Variants in LRRN4 observed in about 807,000 individuals in gnomAD.
LRRN4 encodes the protein leucine rich repeat neuronal 4.
In LRRN4, 26 loss-of-function variants were observed where a neutral mutation model predicts 22.3. The ratio of observed to expected loss-of-function variants is 1.16; its 90% CI spans 0.85 to 1.62. The LOEUF is 1.62. Ranked by LOEUF, LRRN4 falls within the 40% of genes most tolerant of loss-of-function variation. The pLI, the probability that LRRN4 is intolerant of heterozygous loss-of-function variation, is 0.00. For missense variants in LRRN4, 1,070 were observed against 1,008.5 expected, an observed-to-expected ratio of 1.06 and a Z score of -0.83; for synonymous variants, 496 against 486.2, an observed-to-expected ratio of 1.02 and a Z score of -0.26.
rs1202756366 is a variant in LRRN4, at chr20:6,050,905, TC to T, written c.733del (p.Glu245ArgfsTer7). 2 of 1,614,132 alleles carry T rather than the reference TC, an allele frequency of 1.2e-6. No individual in the cohort carries two copies. The highest frequency in any genetic ancestry group is 4.5e-5 in the East Asian group (2 of 44,882). On this transcript the variant is annotated frameshift_variant, in exon 3 of 5. Coordinates refer to ENST00000378858, the MANE Select transcript of LRRN4 (RefSeq NM_152611.5). LOFTEE classifies it high-confidence loss of function. The part of the protein sequence containing the change: ...LRKMPRLTTL[E>X]GDIFKMTPNL... ...GGGGGTCATCTTGAAAATGTCCCCC[TC>T]CAGGGTCGTCAGCCGAGGCATCTTC...
rs760454962 is a variant in LRRN4 at position 6,041,528 on chromosome 20, G to T, written c.1717C>A (p.Leu573Ile). 1.2e-5 allele frequency: 18 copies of T among 1,553,686 alleles called. 1 individual carries two copies. In the South Asian group the frequency reaches 1.5e-4, roughly 13 times the overall value. The change falls in exon 5 of 5, where the codon CTC becomes ATC. Residue 573 changes from leucine (L) to isoleucine (I), a missense_variant. Coordinates refer to ENST00000378858, the MANE Select transcript of LRRN4 (RefSeq NM_152611.5). The surrounding 1 kb of genome is among the most constrained non-coding windows in gnomAD (Gnocchi z 9.4). ...TCTGGGATGGTGTCTTCCCCGCTGA[G>T]GCCGGGGCACCGGCACCGCCACCGC... ...QRRWRCRCPG[L>I]SGEDTIPDPP... is the part of the protein sequence containing the mutation.
rs752107913 is a variant in LRRN4 at position 6,052,273 on chromosome 20, T to C, written c.527A>G (p.Asn176Ser). 1 of 1,546,528 alleles carries C rather than the reference T, an allele frequency of 6.5e-7. No homozygotes were observed. ...GCGACCCAGCGCGGTGCAGGAGAGG[T>C]TGAGGAGCTGCAGCGCGGGGAAGCA... is the stretch of plus-strand genomic sequence containing the variant. ...FACFPALQLLNLSCTALGRGA... is the reference protein window; with the variant it reads ...FACFPALQLLSLSCTALGRGA... The change falls in exon 2 of 5, where the codon AAC becomes AGC. Residue 176 changes from asparagine (N) to serine (S), a missense_variant. Asn to Ser is a conservative substitution (Grantham distance 46). Coordinates refer to ENST00000378858, the MANE Select transcript of LRRN4 (RefSeq NM_152611.5).
At chr20:6,052,915 G>A (rs897786141) in intron 1 of LRRN4, 111 bp from the exon 2 acceptor site, 15 of 1,139,264 alleles carry the variant, frequency 1.3e-5, no homozygotes, top group Non-Finnish European at 1.8e-5. Flanking sequence ...CACAGGCGCT[G>A]GATGTTCCCT....
Position 6,052,380 on chromosome 20 carries a change from G to C in LRRN4, c.420C>G (p.Cys140Trp). ...GGAGGCTGCTCAGCGCGGGCCCGGTGCACGGCGGCAGAGCGGCCAGCTGGT... is the reference window on the plus strand; with the variant it reads ...GGAGGCTGCTCAGCGCGGGCCCGGTCCACGGCGGCAGAGCGGCCAGCTGGT... ...SYNQLAALPP[C>W]TGPALSSLRA... The change falls in exon 2 of 5, where the codon TGC becomes TGG. Residue 140 changes from cysteine (C) to tryptophan (W), a missense_variant. Physicochemically the swap from Cys to Trp is radical, Grantham distance 215. Coordinates refer to ENST00000378858, the MANE Select transcript of LRRN4 (RefSeq NM_152611.5). 2 of 1,523,600 alleles carry C rather than the reference G, an allele frequency of 1.3e-6. No homozygotes were observed. The highest frequency in any genetic ancestry group is 1.4e-5 in the African/African-American group (1 of 70,046). 94.4% of individuals were successfully genotyped at this position (1,523,600 alleles called of 1,614,324 possible). A position where few individuals can be genotyped will look rare whatever the true frequency, so the allele number is the denominator to read the frequency against.
chr20:6,052,722 CG>C lies in LRRN4; in HGVS notation c.77del (p.Pro26ArgfsTer34). ...GGCCCTGCTGAGTGACCCGGAAGAGCGGGACCTTCTCCTGGGGAGGGTCTGC... is the reference window on the plus strand; with the variant it reads ...GGCCCTGCTGAGTGACCCGGAAGAGCGGACCTTCTCCTGGGGAGGGTCTGC... ...SWADPPQEKV[P>X]LFRVTQQGPW... On this transcript the variant is annotated frameshift_variant, in exon 2 of 5. Transcript: ENST00000378858. LOFTEE classifies it high-confidence loss of function. 1 of 1,570,688 alleles carries C rather than the reference CG, an allele frequency of 6.4e-7. No individual in the cohort carries two copies. The highest frequency in any genetic ancestry group is 8.6e-7 in the Non-Finnish European group (1 of 1,165,856).
rs1981325980 is a variant in LRRN4 at position 6,053,907 on chromosome 20, G to A, written c.-83C>T. 2 of 152,198 alleles carry A rather than the reference G, an allele frequency of 1.3e-5. No individual in the cohort carries two copies. Among genetic ancestry groups the A allele is most frequent in the Admixed American group, 1.3e-4 (2 of 15,278 alleles). The allele number at this position is 152,198 out of a possible 1,614,324, so 9.4% of individuals were successfully genotyped here. ...TCAGCTTTGTTTTATAGATTCTAGG[G>A]ACCACTGATTTGGACAGCAACTCAG... On this transcript the variant is annotated 5_prime_UTR_variant, in exon 1 of 5. Transcript: ENST00000378858.
intron 4 of LRRN4, among the ~76,000 whole-genome samples, chr20:6,042,639 G>T (rs893649153): frequency 2.0e-5 from 3 of 152,096 alleles, no homozygotes; most frequent in Non-Finnish European, 4.4e-5. Context: ...AATCATACTC[G>T]GGCCGGTGCG....
intron 2 of LRRN4, among the ~76,000 whole-genome samples, 174 bp downstream of exon 2, chr20:6,051,971 G>C (rs543110642): frequency 6.6e-6 from 1 of 152,322 alleles, no homozygotes; most frequent in African/African-American, 2.4e-5. Context: ...CCTGTGTGGC[G>C]CTTCAAACTG....
chr20:6,041,081 CCAGGTGCGTGTCGCAGCGCTG>C lies in LRRN4; in HGVS notation c.2143_2163del (p.Gln715_Leu721del). 17 of 1,613,854 alleles carry C rather than the reference CCAGGTGCGTGTCGCAGCGCTG, an allele frequency of 1.1e-5. No individual in the cohort carries two copies. Among genetic ancestry groups the C allele is most frequent in the Non-Finnish European group, 1.4e-5 (17 of 1,179,976 alleles). On this transcript the variant is annotated inframe_deletion, in exon 5 of 5. Coordinates refer to ENST00000378858, the MANE Select transcript of LRRN4 (RefSeq NM_152611.5). The surrounding 1 kb of genome is among the most constrained non-coding windows in gnomAD (Gnocchi z 9.4). ...TCAAAGGCCGGGTTTTTGTAGGCCA[CCAGGTGCGTGTCGCAGCGCTG>C]CAGGCCCAGCGTCTGGCCCCGCCTG...
At chr20:6,051,009 A>G (rs775902316) in intron 2 of LRRN4, 26 bp from the exon 3 acceptor site, 4 of 1,607,386 alleles carry the variant, frequency 2.5e-6, no homozygotes, top group Admixed American at 1.7e-5. Context: ...GAAACTGCCA[A>G]CTACTCCAGA....
At chr20:6,043,265 C>T (rs1981016024) in intron 4 of LRRN4, among the ~76,000 whole-genome samples, 1 of 151,948 alleles carries the variant, frequency 6.6e-6, no homozygotes, top group Admixed American at 6.6e-5. Context: ...CAAACAAAAA[C>T]TTAGCCAGGT....
chr20:6,052,916 G>C, intron 1 of LRRN4, 112 bp from the exon 2 acceptor site: 1 of 1,131,422 alleles, frequency 8.8e-7, no homozygotes, highest in African/African-American at 1.6e-5. Context: ...ACAGGCGCTG[G>C]ATGTTCCCTG....
rs552677184 is a variant in LRRN4 at position 6,042,858 on chromosome 20, G to A, written c.999-612C>T. Among the ~76,000 whole-genome samples the A allele has an allele frequency of 2.1e-4, 32 of 149,748 alleles. 1 individual carries two copies. The highest frequency in any genetic ancestry group is 2.1e-3 in the Admixed American group (31 of 14,958). On this transcript the variant is annotated intron_variant, in intron 4 of 4. Transcript: ENST00000378858. Reference sequence around the variant, plus strand: ...CACTTGAACCTGGGAGGCAGAGGTTGCAGTGAGCTGAGATTGCACCACTGC... The same window carrying A: ...CACTTGAACCTGGGAGGCAGAGGTTACAGTGAGCTGAGATTGCACCACTGC...
At chr20:6,053,453 A>G (rs1430574899) in intron 1 of LRRN4, among the ~76,000 whole-genome samples, 1 of 152,142 alleles carries the variant, frequency 6.6e-6, no homozygotes, top group African/African-American at 2.4e-5. Context: ...GGTTCCAACA[A>G]AAGCCAGAGC....
intron 4 of LRRN4, among the ~76,000 whole-genome samples, chr20:6,043,889 C>T (rs1981038060): frequency 6.6e-6 from 1 of 152,136 alleles, no homozygotes; most frequent in South Asian, 2.1e-4. Context: ...GCCTGCGCAA[C>T]AGAGCAAGAC....
At chr20:6,050,397 C>T (rs999839455) in intron 3 of LRRN4, among the ~76,000 whole-genome samples, 3 of 152,224 alleles carry the variant, frequency 2.0e-5, no homozygotes, top group Admixed American at 6.5e-5. Context: ...CATCCCTAGA[C>T]CCACTCAAAT....
At chr20:6,052,976 CCT>C (rs199604087) in intron 1 of LRRN4, among the ~76,000 whole-genome samples, 172 bp from the exon 2 acceptor site, 1,851 of 152,240 alleles carry the variant, frequency 0.012, 35 homozygotes, top group African/African-American at 0.04. Context: ...TGACCTCTCC[CCT>C]GTCTGCTTTT....
chr20:6,049,524 G>A (rs1053635387), intron 3 of LRRN4, among the ~76,000 whole-genome samples: 1 of 151,846 alleles, frequency 6.6e-6, no homozygotes, highest in African/African-American at 2.4e-5. Context: ...TTTTGAGACA[G>A]AGTTTCATTC....
intron 1 of LRRN4, 66 bp from the exon 2 acceptor site, chr20:6,052,870 C>A (rs751220859): frequency 7.0e-7 from 1 of 1,432,180 alleles, no homozygotes; most frequent in Non-Finnish European, 9.3e-7. Context: ...GTCAGATGCG[C>A]GTCCCAACCC....
Sources: allele counts gnomAD v4.1 joint callset (sites outside exome capture counted in the v4.1 genomes callset), GRCh38; gene constraint gnomAD v4.1.1; non-coding constraint Gnocchi (gnomAD v3.1); transcripts MANE v1.5; gene names NCBI Gene and HGNC (gene_info 2026-07-23, HGNC 2026-07-21).